Variants in RTTN observed in about 807,000 individuals in gnomAD.
The protein encoded by RTTN is rotatin.
Under a neutral mutation model 269.2 loss-of-function variants are expected in RTTN, and 182 were observed. The ratio of observed to expected loss-of-function variants is 0.68; its 90% CI spans 0.60 to 0.76. The LOEUF is 0.76. RTTN is among the 30% of genes least tolerant of loss of function. RTTN has a pLI of 0.00. For synonymous variants in RTTN, 1,006 were observed against 963.5 expected, an observed-to-expected ratio of 1.04 and a Z score of -0.82; for missense variants, 2,545 against 2,608.6, an observed-to-expected ratio of 0.98 and a Z score of 0.53.
At chr18:70,103,771 A>AG (rs1284539622) in intron 28 of RTTN, among the ~76,000 whole-genome samples, 1 of 150,992 alleles carries the variant, frequency 6.6e-6, no homozygotes, top group East Asian at 1.9e-4. Flanking sequence ...TCAAAAAAAA[A>AG]AAAAAAAGCA....
At position 70,114,537 on chromosome 18, in the gene RTTN, A is replaced by C. The variant is rs2059555094; in HGVS notation, c.3591T>G (p.Asp1197Glu). The C allele has an allele frequency of 6.2e-7, 1 of 1,613,736 alleles. No individual in the cohort carries two copies. Among genetic ancestry groups the C allele is most frequent in the African/African-American group, 1.3e-5 (1 of 75,058 alleles). The change falls in exon 27 of 49, where the codon GAT (aspartate) becomes GAG (glutamate). Residue 1197 changes from aspartate to glutamate, a missense_variant. Physicochemically the swap from Asp to Glu is conservative, Grantham distance 45. Transcript: ENST00000640769. Reference sequence around the variant, plus strand: ...GTTGCCTGACAGCAGTCCGGATATCATCTGTTTCTTCTCGTGCCTGTGACT... The same window carrying C: ...GTTGCCTGACAGCAGTCCGGATATCCTCTGTTTCTTCTCGTGCCTGTGACT... ...LTESQAREET[D>E]DIRTAVRQQL...
At chr18:70,013,391 A>AT (rs146803310) in intron 46 of RTTN, among the ~76,000 whole-genome samples, 4,281 of 151,596 alleles carry the variant, frequency 0.028, 226 homozygotes, top group African/African-American at 0.099. Flanking sequence ...GTATATATAC[A>AT]TATGTGTGTG....
At chr18:70,194,368 A>T (rs932707311) in intron 7 of RTTN, 2 of 152,264 alleles carry the variant, frequency 1.3e-5, no homozygotes, top group Non-Finnish European at 2.9e-5. Flanking sequence ...TAAATGGTAC[A>T]GCTGCTGTGG....
At chr18:70,169,476 T>C (rs2061081049) in intron 11 of RTTN, among the ~76,000 whole-genome samples, 1 of 152,120 alleles carries the variant, frequency 6.6e-6, no homozygotes, top group Non-Finnish European at 1.5e-5. Flanking sequence ...CAAGAACACT[T>C]CCCCATCCCA....
chr18:70,137,108 A>C (rs1443317832), intron 21 of RTTN, among the ~76,000 whole-genome samples: 2 of 152,242 alleles, frequency 1.3e-5, no homozygotes, highest in Non-Finnish European at 2.9e-5. Flanking sequence ...GAACGAGAAG[A>C]AAATGAAAAC....
At chr18:70,015,431 G>A (rs1468122310) in intron 46 of RTTN, among the ~76,000 whole-genome samples, 3 of 152,174 alleles carry the variant, frequency 2.0e-5, no homozygotes, top group African/African-American at 7.2e-5. Flanking sequence ...TAAACCAGAT[G>A]TGTGGGTGCT....
intron 11 of RTTN, among the ~76,000 whole-genome samples, chr18:70,169,432 C>T (rs548527970): frequency 7.2e-5 from 11 of 152,250 alleles, no homozygotes; most frequent in African/African-American, 2.4e-4. Flanking sequence ...TGTACATGTA[C>T]GCAAATCTCC....
chr18:70,062,794 G>A (rs1257397480), intron 35 of RTTN, among the ~76,000 whole-genome samples: 1 of 151,832 alleles, frequency 6.6e-6, no homozygotes, highest in African/African-American at 2.4e-5. Flanking sequence ...TTTATATTTT[G>A]TAGAGATACA....
intron 32 of RTTN, among the ~76,000 whole-genome samples, chr18:70,083,233 C>T (rs962336671): frequency 5.3e-5 from 8 of 152,094 alleles, no homozygotes; most frequent in Non-Finnish European, 1.0e-4. Context: ...GGTGACCACC[C>T]CACTTCCAGT....
intron 28 of RTTN, among the ~76,000 whole-genome samples, chr18:70,106,412 G>C (rs991382462): frequency 5.9e-5 from 9 of 152,042 alleles, no homozygotes; most frequent in Non-Finnish European, 1.3e-4. Flanking sequence ...AATTGTTACA[G>C]GTATATAACC....
chr18:70,139,257 G>A (rs2060198776), intron 21 of RTTN, among the ~76,000 whole-genome samples: 5 of 152,064 alleles, frequency 3.3e-5, no homozygotes, highest in Admixed American at 1.3e-4. Flanking sequence ...AAACAAGAAA[G>A]ACGAAAGAGA....
intron 34 of RTTN, among the ~76,000 whole-genome samples, chr18:70,068,969 A>C (rs1056051926): frequency 6.6e-6 from 1 of 152,198 alleles, no homozygotes; most frequent in African/African-American, 2.4e-5. Flanking sequence ...GTACTGTCCT[A>C]AAACAGACTC....
At chr18:70,044,824 A>G (rs571787050) in intron 40 of RTTN, among the ~76,000 whole-genome samples, 20 of 152,264 alleles carry the variant, frequency 1.3e-4, no homozygotes, top group African/African-American at 4.1e-4. Flanking sequence ...GAGGGGAGAC[A>G]GAGCATATTT....
chr18:70,190,889 C>G (rs2061654959), intron 8 of RTTN, among the ~76,000 whole-genome samples, 170 bp from the exon 9 acceptor site: 1 of 152,152 alleles, frequency 6.6e-6, no homozygotes, highest in Admixed American at 6.5e-5. Flanking sequence ...AAATTAAATT[C>G]CATAAAGATG....
intron 14 of RTTN, among the ~76,000 whole-genome samples, chr18:70,165,036 G>A (rs1159985225): frequency 6.6e-6 from 1 of 152,102 alleles, no homozygotes; most frequent in Non-Finnish European, 1.5e-5. Flanking sequence ...CAGTCAACCT[G>A]TATTTTATAT....
At chr18:70,062,882 GC>G (rs2058031265) in intron 35 of RTTN, among the ~76,000 whole-genome samples, 1 of 152,000 alleles carries the variant, frequency 6.6e-6, no homozygotes, top group Non-Finnish European at 1.5e-5. Flanking sequence ...GCTGTGCCCA[GC>G]CCCCTCTTTC....
In RTTN at chr18:70,059,980, T is replaced by C. The variant is rs1452786842; in HGVS notation, c.4810A>G (p.Lys1604Glu). 1 of 1,613,978 alleles carries C rather than the reference T, an allele frequency of 6.2e-7. No individual in the cohort carries two copies. Among genetic ancestry groups the C allele is most frequent in the Non-Finnish European group, 8.5e-7 (1 of 1,179,914 alleles). ...HDSSLSAPLP[K>E]LCVFVTPSLL... ...GATGGAGTAACAAAAACACACAGTTTGGGCAGGGGAGCAGAAAGAGATGAA... is the reference window on the plus strand; with the variant it reads ...GATGGAGTAACAAAAACACACAGTTCGGGCAGGGGAGCAGAAAGAGATGAA... Residue 1604 changes from lysine to glutamate, a missense_variant, in exon 36 of 49, where the codon AAA (lysine) becomes GAA (glutamate). Coordinates refer to ENST00000640769, the MANE Select transcript of RTTN (RefSeq NM_173630.4).
intron 1 of RTTN, 37 bp downstream of exon 1, chr18:70,205,591 G>A (rs757133356): frequency 5.0e-6 from 8 of 1,611,432 alleles, no homozygotes; most frequent in Admixed American, 3.3e-5. Context: ...GCCAGAGCGC[G>A]GGGGGTGCCT....
intron 28 of RTTN, among the ~76,000 whole-genome samples, chr18:70,108,541 A>T (rs1005441015): frequency 7.2e-5 from 11 of 152,212 alleles, no homozygotes; most frequent in East Asian, 5.8e-4. Context: ...CAAATTCTTT[A>T]AGAGAAAAAA....
Sources: allele counts gnomAD v4.1 joint callset (sites outside exome capture counted in the v4.1 genomes callset), GRCh38; gene constraint gnomAD v4.1.1; transcripts MANE v1.5; gene names NCBI Gene and HGNC (gene_info 2026-07-23, HGNC 2026-07-21).